The following ATP10D variants were observed in gnomAD, a reference collection of about 807,000 sequenced individuals.
The protein encoded by ATP10D is ATPase phospholipid transporting 10D (putative).
ATP10D carries 89 observed loss-of-function variants against 144.8 expected under a neutral mutation model. The observed-to-expected ratio is 0.61, with a 90% confidence interval of 0.52 to 0.73. The LOEUF (loss-of-function observed/expected upper bound fraction) is 0.73. ATP10D is among the 30% of genes least tolerant of loss of function. The probability of loss-of-function intolerance (pLI) is 0.00; values close to 1 mark genes in which losing one functional copy is unlikely to be tolerated. For synonymous variants in ATP10D, 571 were observed against 615.1 expected (o/e 0.93, Z 1.06); for missense variants, 1,603 against 1,714.8 (o/e 0.93, Z 1.15).
At chr4:47,549,297 T>C (rs1350239222) in intron 10 of ATP10D, among the ~76,000 whole-genome samples, 2 of 152,240 alleles carry the variant, frequency 1.3e-5, no homozygotes, top group African/African-American at 4.8e-5. Flanking sequence ...ACCTTCTCAG[T>C]GAAGCTTTCT....
intron 17 of ATP10D, among the ~76,000 whole-genome samples, chr4:47,572,601 T>A (rs552979318): frequency 2.7e-5 from 4 of 149,328 alleles, no homozygotes; most frequent in Non-Finnish European, 5.9e-5. Context: ...GAAGAGGAAA[T>A]GAGAGGAGAA....
chr4:47,584,541 C>T (rs1227974442), intron 21 of ATP10D, among the ~76,000 whole-genome samples: 2 of 151,952 alleles, frequency 1.3e-5, no homozygotes, highest in Admixed American at 1.3e-4. Context: ...TACAGGCGCC[C>T]ACCACCACGC....
intron 20 of ATP10D, among the ~76,000 whole-genome samples, chr4:47,581,603 G>A (rs553352831): frequency 6.6e-6 from 1 of 152,014 alleles, no homozygotes; most frequent in East Asian, 1.9e-4. Context: ...AGGAAAGGAG[G>A]GTATATTTTC....
At chr4:47,491,361 T>G in intron 1 of ATP10D, 1 of 749,592 alleles carries the variant, frequency 1.3e-6, no homozygotes, top group Non-Finnish European at 2.4e-6. Context: ...ACGTCTCTTA[T>G]AGATTCACAG....
At chr4:47,549,867 A>G (rs991261384) in intron 10 of ATP10D, among the ~76,000 whole-genome samples, 12 of 152,296 alleles carry the variant, frequency 7.9e-5, no homozygotes, top group Admixed American at 5.2e-4. Flanking sequence ...AGCACGTGGT[A>G]CGTGCAGACG....
At chr4:47,585,260 CAA>C (rs1054702894) in intron 21 of ATP10D, among the ~76,000 whole-genome samples, 1 of 142,304 alleles carries the variant, frequency 7.0e-6, no homozygotes, top group Non-Finnish European at 1.5e-5. Flanking sequence ...AAGTTGGTGC[CAA>C]AAAAAAAACG....
intron 18 of ATP10D, among the ~76,000 whole-genome samples, chr4:47,575,528 T>A (rs1186467809): frequency 1.3e-5 from 2 of 152,178 alleles, no homozygotes; most frequent in Non-Finnish European, 2.9e-5. Context: ...CCATTCCATT[T>A]CACCGCTATG....
intron 14 of ATP10D, 113 bp from the exon 15 acceptor site, chr4:47,563,468 T>G: frequency 1.1e-6 from 1 of 908,104 alleles, no homozygotes; most frequent in Non-Finnish European, 1.6e-6. Context: ...AGCTGGGCAG[T>G]TTATGTAGTG....
chr4:47,565,021 C>G (rs1288929965), intron 15 of ATP10D, among the ~76,000 whole-genome samples: 1 of 152,238 alleles, frequency 6.6e-6, no homozygotes, highest in African/African-American at 2.4e-5. Context: ...CGCTATGGCG[C>G]GATCTCGGCT....
chr4:47,536,792 T>C lies in ATP10D; in HGVS notation c.1250T>C (p.Ile417Thr), dbSNP rs1333730208. 1 of 1,613,298 alleles carries C rather than the reference T, an allele frequency of 6.2e-7. No individual in the cohort carries two copies. The highest frequency in any genetic ancestry group is 1.7e-5 in the Admixed American group (1 of 59,810). The change falls in exon 9 of 23, where the codon ATT (isoleucine) becomes ACT (threonine). Residue 417 changes from isoleucine to threonine, a missense_variant. By Grantham distance (89) the Ile-to-Thr change is moderately conservative. Coordinates refer to ENST00000273859, the MANE Select transcript of ATP10D (RefSeq NM_020453.4). Reference protein sequence around the residue: ...VDFYNEKMDSIVQCRALNIAE... With the variant: ...VDFYNEKMDSTVQCRALNIAE... ...TTCTACAATGAAAAAATGGATTCTATTGTTCAGTGCCGAGCCCTGAACATC... is the reference window on the plus strand; with the variant it reads ...TTCTACAATGAAAAAATGGATTCTACTGTTCAGTGCCGAGCCCTGAACATC...
intron 1 of ATP10D, among the ~76,000 whole-genome samples, chr4:47,493,227 G>A (rs1715177082): frequency 6.6e-6 from 1 of 152,098 alleles, no homozygotes; most frequent in African/African-American, 2.4e-5. Flanking sequence ...CATTGGTATG[G>A]GAAAGATTAG....
intron 1 of ATP10D, among the ~76,000 whole-genome samples, chr4:47,503,850 G>A (rs1389992292): frequency 1.3e-5 from 2 of 151,968 alleles, no homozygotes; most frequent in African/African-American, 4.8e-5. Flanking sequence ...AGTGAGCAGT[G>A]ATTGCACCAC....
chr4:47,569,952 G>A (rs954263995), intron 16 of ATP10D, among the ~76,000 whole-genome samples: 2 of 152,266 alleles, frequency 1.3e-5, no homozygotes, highest in South Asian at 2.1e-4. Flanking sequence ...TGTTTTCTGC[G>A]GGTTATTAAA....
chr4:47,578,278 G>A (rs1720338240), intron 19 of ATP10D: 1 of 152,152 alleles, frequency 6.6e-6, no homozygotes, highest in Admixed American at 6.5e-5. Flanking sequence ...TGTGTTCAGT[G>A]TCATGAAATA....
chr4:47,544,820 T>A lies in ATP10D; in HGVS notation c.1397-1804T>A, dbSNP rs561703417. ...TTACCCAAAGCCATACTTTATCCTA[T>A]AGCTAAATAGAGAAGACTGGCAATC... On this transcript the variant is annotated intron_variant, in intron 9 of 22. Coordinates refer to ENST00000273859, the MANE Select transcript of ATP10D (RefSeq NM_020453.4). Among the ~76,000 whole-genome samples the A allele has an allele frequency of 1.1e-4, 17 of 152,310 alleles. No individual in the cohort carries two copies. In the South Asian group the frequency reaches 3.5e-3, roughly 32 times the overall value.
rs1385929865 is a variant in ATP10D at position 47,558,068 on chromosome 4, T to C, written c.2229T>C (p.Thr743=). Residue 743 remains threonine, a synonymous_variant, in exon 12 of 23, where the codon ACT becomes ACC. Coordinates refer to ENST00000273859, the MANE Select transcript of ATP10D (RefSeq NM_020453.4). ...ATGCCGCCAGGGCTTACCAATGCACTTTACGGTCTCGGACACCAGAGCAGG... is the reference window on the plus strand; with the variant it reads ...ATGCCGCCAGGGCTTACCAATGCACCTTACGGTCTCGGACACCAGAGCAGG... ...LVYAARAYQC[T]LRSRTPEQVM... is the part of the protein sequence containing the mutation. 6.2e-7 allele frequency: 1 copy of C among 1,614,206 alleles called. No homozygotes were observed. Among genetic ancestry groups the C allele is most frequent in the East Asian group, 2.2e-5 (1 of 44,884 alleles).
At position 47,587,043 on chromosome 4, in the gene ATP10D, AT is replaced by A; in HGVS notation, c.3780del (p.Ile1260MetfsTer12). ...SLTWIHLLVI[I>X]GSILSYFLFA... Reference sequence around the variant, plus strand: ...GACTTGGATTCACTTGCTGGTCATCATTGGTAGCATCTTGTCTTATTTTTTA... The same window carrying A: ...GACTTGGATTCACTTGCTGGTCATCATGGTAGCATCTTGTCTTATTTTTTA... On this transcript the variant is annotated frameshift_variant, in exon 22 of 23. Coordinates refer to ENST00000273859, the MANE Select transcript of ATP10D (RefSeq NM_020453.4). LOFTEE classifies it high-confidence loss of function. 1.9e-6 allele frequency: 3 copies of A among 1,613,920 alleles called. No individual in the cohort carries two copies. Among genetic ancestry groups the A allele is most frequent in the Non-Finnish European group, 2.5e-6 (3 of 1,179,876 alleles).
At chr4:47,541,400 T>C (rs530790631) in intron 9 of ATP10D, among the ~76,000 whole-genome samples, 1 of 152,086 alleles carries the variant, frequency 6.6e-6, no homozygotes, top group Non-Finnish European at 1.5e-5. Flanking sequence ...GTATTGGAGG[T>C]GGATTTTGCA....
chr4:47,494,905 T>C lies in ATP10D; in HGVS notation c.-38+9386T>C, dbSNP rs1468660509. Reference sequence around the variant, plus strand: ...ACCATTTAAATTCTATTTTCACAACTAATTTTCAGAAAGAAGAGTCTCCCA... The same window carrying C: ...ACCATTTAAATTCTATTTTCACAACCAATTTTCAGAAAGAAGAGTCTCCCA... On this transcript the variant is annotated intron_variant, in intron 1 of 22. Coordinates refer to ENST00000273859, the MANE Select transcript of ATP10D (RefSeq NM_020453.4). 2.6e-5 allele frequency among the ~76,000 whole-genome samples: 4 copies of C among 152,232 alleles called. No individual in the cohort carries two copies. The East Asian group carries it at 7.7e-4, about 29-fold the overall frequency.
Sources: allele counts gnomAD v4.1 joint callset (sites outside exome capture counted in the v4.1 genomes callset), GRCh38; gene constraint gnomAD v4.1.1; transcripts MANE v1.5; gene names NCBI Gene and HGNC (gene_info 2026-07-23, HGNC 2026-07-21).